TIMMDC1: variants seen among roughly 807,000 people sequenced by gnomAD.
The protein encoded by TIMMDC1 is complex I assembly factor TIMMDC1, mitochondrial.
In TIMMDC1, 25 loss-of-function variants were observed where a neutral mutation model predicts 32.6. That is an observed-to-expected ratio of 0.77 (90% CI 0.56 to 1.07). The LOEUF (loss-of-function observed/expected upper bound fraction) is 1.07, where lower values mean the gene tolerates loss of function less well. TIMMDC1 is among the 50% of genes least tolerant of loss of function. The pLI is 0.00. For synonymous variants in TIMMDC1, 130 were observed against 127.6 expected, an observed-to-expected ratio of 1.02 and a Z score of -0.13; for missense variants, 329 against 349.2, an observed-to-expected ratio of 0.94 and a Z score of 0.46.
rs764251192 is a variant in TIMMDC1 at position 119,498,783 on chromosome 3, G to T, written c.50G>T (p.Cys17Phe). Residue 17 changes from cysteine (C) to phenylalanine (F), a missense_variant, in exon 1 of 7, where the codon TGC becomes TTC. Transcript: ENST00000494664. ...CGGAGCTTTCTCTGTAGAGCATTGTGCCTATTTCCCCGAGTCTTTGCTGCC... is the reference window on the plus strand; with the variant it reads ...CGGAGCTTTCTCTGTAGAGCATTGTTCCTATTTCCCCGAGTCTTTGCTGCC... ...APRSFLCRALCLFPRVFAAEA... is the reference protein window; with the variant it reads ...APRSFLCRALFLFPRVFAAEA... 6 of 1,614,242 alleles carry T rather than the reference G, an allele frequency of 3.7e-6. No homozygotes were observed. Among genetic ancestry groups the T allele is most frequent in the Non-Finnish European group, 5.1e-6 (6 of 1,180,040 alleles).
intron 6 of TIMMDC1, among the ~76,000 whole-genome samples, chr3:119,521,193 T>C (rs987581507): frequency 6.6e-6 from 1 of 152,108 alleles, no homozygotes; most frequent in African/African-American, 2.4e-5. Context: ...GAATGCCCAC[T>C]CTTACCAGTC....
At chr3:119,512,584 G>A (rs1162390436) in intron 4 of TIMMDC1, among the ~76,000 whole-genome samples, 1 of 151,776 alleles carries the variant, frequency 6.6e-6, no homozygotes, top group East Asian at 1.9e-4. Context: ...GGCCCCAGTT[G>A]TTGTTTTTGT....
chr3:119,523,647 T>G lies in TIMMDC1; in HGVS notation c.749T>G (p.Ile250Ser). 1 of 1,612,790 alleles carries G rather than the reference T, an allele frequency of 6.2e-7. No individual in the cohort carries two copies. Among genetic ancestry groups the G allele is most frequent in the South Asian group, 1.1e-5 (1 of 90,866 alleles). The part of the protein sequence containing the change: ...LQVTEHLPEK[I>S]ESSLQEDEPE... ...GTTACTGAGCACCTCCCTGAGAAAA[T>G]TGAAAGTAGTTTACAGGAAGATGAA... is the stretch of plus-strand genomic sequence containing the variant. Residue 250 changes from isoleucine (I) to serine (S), a missense_variant, in exon 7 of 7, where the codon ATT (isoleucine) becomes AGT (serine). Ile to Ser is a moderately radical substitution (Grantham distance 142). Coordinates refer to ENST00000494664, the MANE Select transcript of TIMMDC1 (RefSeq NM_016589.4).
intron 4 of TIMMDC1, among the ~76,000 whole-genome samples, chr3:119,511,217 C>T (rs2081949908): frequency 6.6e-6 from 1 of 151,960 alleles, no homozygotes; most frequent in Admixed American, 6.6e-5. Flanking sequence ...GTGGCTCATG[C>T]CTGTAATCCC....
intron 4 of TIMMDC1, among the ~76,000 whole-genome samples, chr3:119,512,127 T>C (rs1342708566): frequency 1.3e-5 from 2 of 152,204 alleles, no homozygotes; most frequent in Non-Finnish European, 2.9e-5. Flanking sequence ...AAAATATCTA[T>C]AAATAGAAAA....
At chr3:119,515,539 T>C (rs2081980549) in intron 5 of TIMMDC1, among the ~76,000 whole-genome samples, 1 of 152,220 alleles carries the variant, frequency 6.6e-6, no homozygotes, top group Admixed American at 6.5e-5. Context: ...AATTTTGCCA[T>C]GTAAGATAAT....
chr3:119,520,349 A>G (rs924672169), intron 6 of TIMMDC1, among the ~76,000 whole-genome samples: 1 of 151,906 alleles, frequency 6.6e-6, no homozygotes, highest in African/African-American at 2.4e-5. Flanking sequence ...AACAAAATCA[A>G]GAAACCACAA....
chr3:119,500,926 A>G (rs910882914), intron 2 of TIMMDC1, 66 bp downstream of exon 2: 3 of 1,503,514 alleles, frequency 2.0e-6, no homozygotes, highest in East Asian at 2.3e-5. Context: ...ACACTTAATC[A>G]TTCAATTAGG....
Position 119,509,848 on chromosome 3 carries a change from GC to G in TIMMDC1, c.518-3792del, listed in dbSNP as rs1269009537. Among the ~76,000 whole-genome samples the G allele has an allele frequency of 2.0e-5, 3 of 152,142 alleles. No individual in the cohort carries two copies. The East Asian group carries it at 5.8e-4, about 29-fold the overall frequency. On this transcript the variant is annotated intron_variant, in intron 4 of 6. Transcript: ENST00000494664. ...CTACAGGCATATGCCACCATACCCG[GC>G]TAATTTTTGTATTTTTAGCAGAGAC... is the stretch of plus-strand genomic sequence containing the variant.
chr3:119,509,070 G>A (rs765574563), intron 4 of TIMMDC1, among the ~76,000 whole-genome samples: 12 of 152,210 alleles, frequency 7.9e-5, no homozygotes, highest in Non-Finnish European at 1.6e-4. Flanking sequence ...GCTGGGCATG[G>A]TGGTGCACAT....
chr3:119,515,447 T>C (rs961410081), intron 5 of TIMMDC1, among the ~76,000 whole-genome samples: 10 of 152,204 alleles, frequency 6.6e-5, no homozygotes, highest in Non-Finnish European at 1.3e-4. Context: ...ACTCTGCTTT[T>C]GAGTGTTCAC....
At chr3:119,502,748 G>T (rs1294221097) in intron 2 of TIMMDC1, among the ~76,000 whole-genome samples, 1 of 148,130 alleles carries the variant, frequency 6.8e-6, no homozygotes, top group Admixed American at 6.7e-5. Context: ...TTTTGTAAAG[G>T]CAGGATCTCG....
intron 2 of TIMMDC1, among the ~76,000 whole-genome samples, chr3:119,501,878 T>C (rs2081878429): frequency 6.6e-6 from 1 of 152,174 alleles, no homozygotes. Flanking sequence ...TTGGGTTTGT[T>C]TGATGGTTTC....
intron 4 of TIMMDC1, among the ~76,000 whole-genome samples, chr3:119,511,569 T>A (rs1292518810): frequency 2.6e-5 from 4 of 152,104 alleles, no homozygotes; most frequent in Non-Finnish European, 5.9e-5. Context: ...TTTTTAAGCA[T>A]AAGAACTAAG....
rs779052169 is a variant in TIMMDC1, at chr3:119,498,589, G to T, written c.-145G>T. On this transcript the variant is annotated 5_prime_UTR_variant, in exon 1 of 7. Transcript: ENST00000494664. Reference sequence around the variant, plus strand: ...TCCAAAGCGAGGCCGGGGACTGAAGGTGTGGGTGTCGAGCCCTCTGGCAGA... The same window carrying T: ...TCCAAAGCGAGGCCGGGGACTGAAGTTGTGGGTGTCGAGCCCTCTGGCAGA... 1 of 727,864 alleles carries T rather than the reference G, an allele frequency of 1.4e-6. No individual in the cohort carries two copies. The highest frequency in any genetic ancestry group is 2.3e-6 in the Non-Finnish European group (1 of 435,842). The allele number at this position is 727,864 out of a possible 1,614,324, so 45.1% of individuals were successfully genotyped here.
chr3:119,520,365 A>G (rs1577103164), intron 6 of TIMMDC1, among the ~76,000 whole-genome samples: 1 of 137,126 alleles, frequency 7.3e-6, no homozygotes, highest in Admixed American at 7.3e-5. Context: ...CACAAGTTAG[A>G]AAAAAGACCC....
intron 4 of TIMMDC1, among the ~76,000 whole-genome samples, chr3:119,511,782 G>T (rs753745226): frequency 1.3e-5 from 2 of 152,120 alleles, no homozygotes; most frequent in South Asian, 4.1e-4. Context: ...ATTCACAGAC[G>T]TACCACAAAT....
At chr3:119,507,123 A>G (rs188792355) in intron 4 of TIMMDC1, among the ~76,000 whole-genome samples, 1 of 152,278 alleles carries the variant, frequency 6.6e-6, no homozygotes, top group Admixed American at 6.5e-5. Flanking sequence ...ATTTTGAGGA[A>G]CATTTACTGT....
intron 6 of TIMMDC1, among the ~76,000 whole-genome samples, chr3:119,519,540 T>C (rs1235498345): frequency 2.6e-5 from 4 of 152,118 alleles, no homozygotes; most frequent in African/African-American, 9.7e-5. Flanking sequence ...AAGAGATCAA[T>C]TCAGCAAGAG....
Sources: allele counts gnomAD v4.1 joint callset (sites outside exome capture counted in the v4.1 genomes callset), GRCh38; gene constraint gnomAD v4.1.1; transcripts MANE v1.5; gene names NCBI Gene and HGNC (gene_info 2026-07-23, HGNC 2026-07-21).